RALGAPA2: variants seen among roughly 807,000 people sequenced by gnomAD.
RALGAPA2 encodes the protein ral GTPase-activating protein subunit alpha-2.
A neutral mutation model predicts 230.4 loss-of-function variants in RALGAPA2; 139 were observed. The observed-to-expected ratio is 0.60, with a 90% CI of 0.53 to 0.69. The LOEUF (loss-of-function observed/expected upper bound fraction) is 0.69, where lower values mean the gene tolerates loss of function less well. Ranked by LOEUF, RALGAPA2 falls within the 30% of genes least tolerant of loss-of-function variation. The pLI, the probability that RALGAPA2 is intolerant of heterozygous loss-of-function variation, is 0.00. For missense variants in RALGAPA2, 2,163 were observed against 2,276.0 expected (o/e 0.95, Z 1.01); for synonymous variants, 847 against 837.8 (o/e 1.01, Z -0.19).
chr20:20,502,262 G>A (rs1481053901), intron 35 of RALGAPA2, among the ~76,000 whole-genome samples: 2 of 152,002 alleles, frequency 1.3e-5, no homozygotes, highest in Non-Finnish European at 2.9e-5. Context: ...TGTGGCTGCA[G>A]TGGTGAAAAA....
chr20:20,427,888 C>A (rs2060420605), intron 37 of RALGAPA2, among the ~76,000 whole-genome samples: 1 of 151,704 alleles, frequency 6.6e-6, no homozygotes. Flanking sequence ...ATTTGAACAA[C>A]AGATTCAACA....
At chr20:20,430,785 A>G (rs2060484796) in intron 37 of RALGAPA2, among the ~76,000 whole-genome samples, 1 of 152,206 alleles carries the variant, frequency 6.6e-6, no homozygotes, top group Admixed American at 6.5e-5. Flanking sequence ...CATCACTGGG[A>G]TCACCTGGTC....
intron 38 of RALGAPA2, among the ~76,000 whole-genome samples, chr20:20,397,423 T>A (rs2059739666): frequency 6.6e-6 from 1 of 152,214 alleles, no homozygotes; most frequent in South Asian, 2.1e-4. Context: ...TTTCTATGCC[T>A]TGTGACAGGT....
At chr20:20,483,548 A>C (rs1336597750) in intron 36 of RALGAPA2, among the ~76,000 whole-genome samples, 4 of 152,104 alleles carry the variant, frequency 2.6e-5, no homozygotes, top group Non-Finnish European at 4.4e-5. Flanking sequence ...AGGACCATCC[A>C]TCAAGGCTCA....
At chr20:20,494,031 C>T (rs2062136079) in intron 36 of RALGAPA2, among the ~76,000 whole-genome samples, 1 of 152,104 alleles carries the variant, frequency 6.6e-6, no homozygotes, top group South Asian at 2.1e-4. Flanking sequence ...ATTAAGTATT[C>T]TCTCTCCATA....
rs138688825 is a variant in RALGAPA2, at chr20:20,560,717, T to C, written c.3156+10741A>G. On this transcript the variant is annotated intron_variant, in intron 23 of 39. Coordinates refer to ENST00000202677, the MANE Select transcript of RALGAPA2 (RefSeq NM_020343.4). ...TTAATGTATCCTCCTTCCCCAAGTA[T>C]AACTTTAGTACCTGAAATGTCTCTA... Among the ~76,000 whole-genome samples the C allele has an allele frequency of 2.0e-4, 30 of 152,352 alleles. No homozygotes were observed. In the East Asian group the frequency reaches 3.9e-3, roughly 20 times the overall value.
intron 3 of RALGAPA2, among the ~76,000 whole-genome samples, chr20:20,662,765 G>A (rs957340120): frequency 6.6e-6 from 1 of 152,128 alleles, no homozygotes; most frequent in Non-Finnish European, 1.5e-5. Flanking sequence ...GCCCTAAGAG[G>A]GAAAAGGTGA....
chr20:20,456,360 T>C (rs1256789490), intron 37 of RALGAPA2, among the ~76,000 whole-genome samples: 1 of 152,210 alleles, frequency 6.6e-6, no homozygotes, highest in Non-Finnish European at 1.5e-5. Flanking sequence ...AGATGCCTCA[T>C]AGTGAGCCCC....
chr20:20,395,356 G>A (rs1055007350), intron 39 of RALGAPA2, among the ~76,000 whole-genome samples: 1 of 152,226 alleles, frequency 6.6e-6, no homozygotes. Flanking sequence ...AGGTACGGCC[G>A]CCTTCCTGAT....
chr20:20,421,872 A>G (rs566443027), intron 37 of RALGAPA2, among the ~76,000 whole-genome samples: 1 of 152,346 alleles, frequency 6.6e-6, no homozygotes, highest in South Asian at 2.1e-4. Flanking sequence ...CAAAAACCAG[A>G]AACAACCCCC....
intron 1 of RALGAPA2, among the ~76,000 whole-genome samples, chr20:20,694,872 T>C (rs1432041419): frequency 6.6e-6 from 1 of 152,236 alleles, no homozygotes; most frequent in Non-Finnish European, 1.5e-5. Context: ...GGCAGGGGAC[T>C]GCAGAATTTG....
chr20:20,513,074 T>A lies in RALGAPA2; in HGVS notation c.4295A>T (p.Asn1432Ile), dbSNP rs753760374. The A allele has an allele frequency of 1.2e-6, 2 of 1,608,002 alleles. No homozygotes were observed. Among genetic ancestry groups the A allele is most frequent in the Admixed American group, 3.4e-5 (2 of 59,122 alleles). ...AAGGTAGGAGATGAGGGTGCTATCA[T>A]TAAATACAAACAGCTGCAGGTTTGG... is the stretch of plus-strand genomic sequence containing the variant. ...RSPNLQLFVF[N>I]DSTLISYLQT... Residue 1432 changes from asparagine to isoleucine, a missense_variant, in exon 32 of 40, where the codon AAT (asparagine) becomes ATT (isoleucine). Asn to Ile is a moderately radical substitution (Grantham distance 149). Coordinates refer to ENST00000202677, the MANE Select transcript of RALGAPA2 (RefSeq NM_020343.4).
intron 37 of RALGAPA2, among the ~76,000 whole-genome samples, chr20:20,443,425 G>A (rs1028926470): frequency 2.6e-5 from 4 of 152,202 alleles, no homozygotes; most frequent in Admixed American, 1.3e-4. Context: ...ATGAAACGAT[G>A]TCTCCAGGTG....
chr20:20,520,973 T>C lies in RALGAPA2; in HGVS notation c.4028A>G (p.Glu1343Gly), dbSNP rs771090252. 10 of 1,613,922 alleles carry C rather than the reference T, an allele frequency of 6.2e-6. No individual in the cohort carries two copies. The highest frequency in any genetic ancestry group is 8.5e-6 in the Non-Finnish European group (10 of 1,179,830). Residue 1343 changes from glutamate (E) to glycine (G), a missense_variant, in exon 31 of 40, where the codon GAG becomes GGG. Transcript: ENST00000202677. ...TGCTGATGAATGATACTGGACTGGC[T>C]CAGAGCTCTTCACATTTGCCAGTGG... ...FLPLANVKSS[E>G]PVQYHSSAEL...
chr20:20,695,011 G>A (rs1417603240), intron 1 of RALGAPA2, among the ~76,000 whole-genome samples: 1 of 152,220 alleles, frequency 6.6e-6, no homozygotes, highest in African/African-American at 2.4e-5. Flanking sequence ...GGGCGTTCGA[G>A]AAAGGGATTT....
intron 38 of RALGAPA2, among the ~76,000 whole-genome samples, chr20:20,397,422 C>A (rs1013407038): frequency 2.6e-5 from 4 of 152,188 alleles, no homozygotes; most frequent in Non-Finnish European, 5.9e-5. Context: ...TTTTCTATGC[C>A]TTGTGACAGG....
chr20:20,704,332 T>A (rs2069512415), intron 1 of RALGAPA2, among the ~76,000 whole-genome samples: 1 of 152,184 alleles, frequency 6.6e-6, no homozygotes, highest in Non-Finnish European at 1.5e-5. Flanking sequence ...CTACTTCTCC[T>A]ATATAAACTC....
chr20:20,552,988 A>G (rs1434391153), intron 23 of RALGAPA2, among the ~76,000 whole-genome samples: 1 of 152,204 alleles, frequency 6.6e-6, no homozygotes, highest in South Asian at 2.1e-4. Context: ...AACACAGCAG[A>G]GCACGGCGCC....
chr20:20,593,354 T>G (rs997824773), intron 16 of RALGAPA2, among the ~76,000 whole-genome samples: 2 of 152,278 alleles, frequency 1.3e-5, no homozygotes, highest in Non-Finnish European at 2.9e-5. Flanking sequence ...ACTGTTCATT[T>G]TTCTACAGAG....
Sources: gnomAD v4.1 joint callset for allele counts (sites outside exome capture counted in the v4.1 genomes callset) on GRCh38, gnomAD v4.1.1 for gene constraint, MANE v1.5 for transcripts, NCBI Gene and HGNC (gene_info 2026-07-23, HGNC 2026-07-21) for gene names.